SHOC2: variants seen among roughly 807,000 people sequenced by gnomAD.
The protein encoded by SHOC2 is leucine-rich repeat protein SHOC-2.
SHOC2 carries 4 observed loss-of-function variants against 50.2 expected under a neutral mutation model. The ratio of observed to expected loss-of-function variants is 0.08; its 90% CI spans 0.04 to 0.18. SHOC2 has a LOEUF of 0.18. Among genes scored for constraint, SHOC2 ranks in the 10% least tolerant of loss-of-function variants. SHOC2 has a pLI of 1.00. For missense variants in SHOC2, 388 were observed against 669.6 expected (o/e 0.58, Z 4.64); for synonymous variants, 218 against 244.5 (o/e 0.89, Z 1.01).
intron 8 of SHOC2, 139 bp downstream of exon 8, chr10:111,009,969 G>A: frequency 1.6e-6 from 1 of 616,198 alleles, no homozygotes; most frequent in Non-Finnish European, 2.9e-6. Context: ...TTTTAATAGA[G>A]CACCGATGGT....
chr10:110,987,276 G>T (rs532520921), intron 3 of SHOC2, among the ~76,000 whole-genome samples: 2 of 152,094 alleles, frequency 1.3e-5, no homozygotes, highest in African/African-American at 4.8e-5. Context: ...TTTATTGGGA[G>T]AATTTATTTG....
In SHOC2 at chr10:110,940,961, A is replaced by T. The variant is rs1014535436; in HGVS notation, c.-235+21304A>T. Among the ~76,000 whole-genome samples the T allele has an allele frequency of 4.2e-4, 48 of 113,162 alleles. 1 individual carries two copies. The highest frequency in any genetic ancestry group is 8.5e-5 in the Non-Finnish European group (5 of 59,158). The allele number at this position is 113,162 out of a possible 152,430, so 74.2% of individuals were successfully genotyped here. On this transcript the variant is annotated intron_variant, in intron 1 of 8. Coordinates refer to ENST00000369452, the MANE Select transcript of SHOC2 (RefSeq NM_007373.4). The stretch of plus-strand genomic sequence containing the variant: ...TTTTTTTTTTTTTGTGACAGGGTCT[A>T]GCTCTGTTGCCCAGGCTGGAGTGCA...
chr10:110,948,367 G>A (rs1184578945), intron 1 of SHOC2, among the ~76,000 whole-genome samples: 1 of 152,120 alleles, frequency 6.6e-6, no homozygotes, highest in South Asian at 2.1e-4. Context: ...TAACAGACTT[G>A]AACAACATTT....
chr10:110,984,009 C>G (rs1056733084), intron 2 of SHOC2, among the ~76,000 whole-genome samples: 9 of 152,106 alleles, frequency 5.9e-5, no homozygotes, highest in African/African-American at 2.2e-4. Flanking sequence ...GCTTTCAGTT[C>G]TTTTCGATAT....
At chr10:110,971,568 T>C (rs566097668) in intron 2 of SHOC2, among the ~76,000 whole-genome samples, 2 of 152,292 alleles carry the variant, frequency 1.3e-5, no homozygotes, top group East Asian at 3.9e-4. Context: ...TTTAGGATTT[T>C]TTTTTCTTTT....
At chr10:111,001,219 G>A (rs570892874) in intron 4 of SHOC2, among the ~76,000 whole-genome samples, 17 of 148,726 alleles carry the variant, frequency 1.1e-4, no homozygotes, top group African/African-American at 3.7e-4. Context: ...GTGCAATGGC[G>A]CGATCTTGGC....
intron 5 of SHOC2, among the ~76,000 whole-genome samples, chr10:111,006,956 G>A (rs1354613798): frequency 6.6e-6 from 1 of 152,072 alleles, no homozygotes; most frequent in Non-Finnish European, 1.5e-5. Context: ...CCTCTGTTTT[G>A]GTGATGAATA....
At chr10:111,010,089 A>C (rs746744262) in intron 8 of SHOC2, among the ~76,000 whole-genome samples, 1 of 152,188 alleles carries the variant, frequency 6.6e-6, no homozygotes, top group Non-Finnish European at 1.5e-5. Flanking sequence ...AATAGGTTTT[A>C]TGTATAACCT....
At chr10:111,001,334 A>G (rs989890128) in intron 4 of SHOC2, among the ~76,000 whole-genome samples, 12 of 151,778 alleles carry the variant, frequency 7.9e-5, no homozygotes, top group African/African-American at 2.7e-4. Flanking sequence ...TTGTATTTTT[A>G]GTAGAGATGG....
intron 1 of SHOC2, among the ~76,000 whole-genome samples, chr10:110,925,381 T>C (rs751465491): frequency 5.9e-5 from 9 of 152,208 alleles, no homozygotes; most frequent in Non-Finnish European, 1.0e-4. Context: ...GACTAATTTT[T>C]CACGCAGTAT....
At chr10:111,008,885 T>C (rs1251493902) in intron 6 of SHOC2, among the ~76,000 whole-genome samples, 1 of 152,102 alleles carries the variant, frequency 6.6e-6, no homozygotes, top group Non-Finnish European at 1.5e-5. Flanking sequence ...TGGATTGATA[T>C]AGCAAGTTTA....
At chr10:110,945,510 A>G (rs1399625108) in intron 1 of SHOC2, among the ~76,000 whole-genome samples, 1 of 152,190 alleles carries the variant, frequency 6.6e-6, no homozygotes, top group African/African-American at 2.4e-5. Context: ...GCTTTTTATT[A>G]ATTTTTAGAG....
intron 1 of SHOC2, among the ~76,000 whole-genome samples, chr10:110,955,829 A>G (rs1213934818): frequency 1.3e-5 from 2 of 152,238 alleles, no homozygotes; most frequent in Non-Finnish European, 2.9e-5. Flanking sequence ...TGATATTACA[A>G]TGTTCATTCA....
chr10:111,001,969 C>T (rs1406189564), intron 4 of SHOC2, among the ~76,000 whole-genome samples: 3 of 151,922 alleles, frequency 2.0e-5, no homozygotes, highest in East Asian at 3.9e-4. Context: ...TGGCTTGAAC[C>T]CGGGAGGCAG....
chr10:110,965,104 C>G (rs1847648485), intron 2 of SHOC2, 43 bp downstream of exon 2: 1 of 1,555,002 alleles, frequency 6.4e-7, no homozygotes, highest in Admixed American at 1.7e-5. Context: ...ATTTGTTATG[C>G]TAAATAATTT....
In SHOC2 at chr10:110,964,020, GAATGA is replaced by G. The variant is rs1263801100; in HGVS notation, c.-234-101_-234-97del. The G allele has an allele frequency of 7.2e-6, 3 of 417,788 alleles. No homozygotes were observed. The highest frequency in any genetic ancestry group is 1.3e-5 in the Non-Finnish European group (3 of 239,076). The allele number at this position is 417,788 out of a possible 1,614,324, so 25.9% of individuals were successfully genotyped here. A position where few individuals can be genotyped will look rare whatever the true frequency, so the allele number is the denominator to read the frequency against. ...ATAAAGGATGTTCATAAATATTTGA[GAATGA>G]AATCATAGGAAAATGGCAAACTCTA... On this transcript the variant is annotated intron_variant, in intron 1 of 8. Coordinates refer to ENST00000369452, the MANE Select transcript of SHOC2 (RefSeq NM_007373.4). The surrounding 1 kb of genome is among the most constrained non-coding windows in gnomAD (Gnocchi z 4.9).
chr10:110,966,309 T>G (rs1847674256), intron 2 of SHOC2, among the ~76,000 whole-genome samples: 1 of 152,090 alleles, frequency 6.6e-6, no homozygotes, highest in South Asian at 2.1e-4. Flanking sequence ...TATTAAAATA[T>G]TCCCAGGAAT....
intron 1 of SHOC2, among the ~76,000 whole-genome samples, chr10:110,945,379 G>A (rs543944190): frequency 3.4e-4 from 52 of 152,128 alleles, no homozygotes; most frequent in African/African-American, 1.2e-3. Context: ...GTGAGCTGTC[G>A]TTTCTTCAAG....
chr10:110,919,662 C>T lies in SHOC2; in HGVS notation c.-235+5C>T, dbSNP rs943654140. ...GCGGAGTCGGGGCTCCTGACGGTAA[C>T]TCGGGGCCGATGAGGCGGAGGGTGT... is the stretch of plus-strand genomic sequence containing the variant. On this transcript the variant is annotated splice_donor_5th_base_variant and intron_variant, in intron 1 of 8. Coordinates refer to ENST00000369452, the MANE Select transcript of SHOC2 (RefSeq NM_007373.4). 10 of 398,710 alleles carry T rather than the reference C, an allele frequency of 2.5e-5. No individual in the cohort carries two copies. The highest frequency in any genetic ancestry group is 3.5e-5 in the Non-Finnish European group (8 of 226,364). 24.7% of individuals were successfully genotyped at this position (398,710 alleles called of 1,614,324 possible).
Sources: allele counts gnomAD v4.1 joint callset (sites outside exome capture counted in the v4.1 genomes callset), GRCh38; gene constraint gnomAD v4.1.1; non-coding constraint Gnocchi (gnomAD v3.1); transcripts MANE v1.5; gene names NCBI Gene and HGNC (gene_info 2026-07-23, HGNC 2026-07-21).